Variants in AFF4 observed in about 807,000 individuals in gnomAD.
The protein encoded by AFF4 is ALF transcription elongation factor 4, also known as AF4/FMR2 family member 4.
In AFF4, 13 loss-of-function variants were observed where a neutral mutation model predicts 124.8. The ratio of observed to expected loss-of-function variants is 0.10; its 90% CI spans 0.07 to 0.17. The LOEUF is 0.17. Ranked by LOEUF, AFF4 falls within the 10% of genes least tolerant of loss-of-function variation. The probability of loss-of-function intolerance (pLI) is 1.00; values close to 1 mark genes in which losing one functional copy is unlikely to be tolerated. For missense variants in AFF4, 1,092 were observed against 1,403.8 expected (o/e 0.78, Z 3.55); for synonymous variants, 477 against 496.1 (o/e 0.96, Z 0.51).
At chr5:132,959,757 C>CTTTTTTT (rs1163731664) in intron 1 of AFF4, among the ~76,000 whole-genome samples, 1,361 of 71,430 alleles carry the variant, frequency 0.019, 22 homozygotes, top group Non-Finnish European at 0.021. Context: ...GAGTGCTTTT[C>CTTTTTTT]TTTTTTTTTT....
rs749188155 is a variant in AFF4, at chr5:132,896,625, G to A, written c.2005C>T (p.Pro669Ser). The A allele has an allele frequency of 2.2e-5, 36 of 1,613,860 alleles. No individual in the cohort carries two copies. The highest frequency in any genetic ancestry group is 6.7e-5 in the Admixed American group (4 of 59,974). ...LPPSSQTPKY[P>S]ESNRTPVKPS... ...TTAACAGGAGTCCTATTGCTCTCGG[G>A]GTACTTAGGAGTTTGTGAGGAAGGA... Residue 669 changes from proline (P) to serine (S), a missense_variant, in exon 11 of 21, where the codon CCC becomes TCC. Pro to Ser is a moderately conservative substitution (Grantham distance 74). Coordinates refer to ENST00000265343, the MANE Select transcript of AFF4 (RefSeq NM_014423.4).
In AFF4 at chr5:132,879,366, T is replaced by C. The variant is rs1759915407; in HGVS notation, c.*1693A>G. ...ATCATCTACAAATAGTAGGATAATC[T>C]TTTTTTCTGACTGAATGGATTCATT... On this transcript the variant is annotated 3_prime_UTR_variant, in exon 21 of 21. Transcript: ENST00000265343. The C allele has an allele frequency of 9.5e-6, 2 of 209,660 alleles. No individual in the cohort carries two copies. Among genetic ancestry groups the C allele is most frequent in the Non-Finnish European group, 1.9e-5 (2 of 102,998 alleles). The allele number at this position is 209,660 out of a possible 1,614,324, so 13.0% of individuals were successfully genotyped here.
intron 1 of AFF4, chr5:132,937,596 C>G (rs568053164): frequency 3.3e-5 from 5 of 153,452 alleles, no homozygotes; most frequent in African/African-American, 1.2e-4. Context: ...AACCCACTCC[C>G]AACTACCACC....
chr5:132,892,050 T>C (rs750842650), intron 13 of AFF4, 114 bp downstream of exon 13: 3 of 1,460,616 alleles, frequency 2.1e-6, no homozygotes, highest in South Asian at 2.3e-5. Context: ...GTAAAAGACA[T>C]AGGCCTATAT....
At chr5:132,928,365 A>G (rs1420342219) in intron 4 of AFF4, among the ~76,000 whole-genome samples, 1 of 152,200 alleles carries the variant, frequency 6.6e-6, no homozygotes, top group African/African-American at 2.4e-5. Context: ...AAAACCTTAA[A>G]CCAAAAAAAT....
chr5:132,937,945 A>T (rs1021846380), intron 1 of AFF4, among the ~76,000 whole-genome samples: 2 of 152,188 alleles, frequency 1.3e-5, no homozygotes, highest in Non-Finnish European at 2.9e-5. Context: ...TCTTATTTTC[A>T]CTAGAACAAA....
intron 4 of AFF4, among the ~76,000 whole-genome samples, chr5:132,931,485 G>C (rs752888386): frequency 4.6e-5 from 7 of 152,178 alleles, no homozygotes; most frequent in Non-Finnish European, 8.8e-5. Flanking sequence ...GATTTGACCA[G>C]TATGTACAAG....
chr5:132,916,871 T>A (rs529618537), intron 5 of AFF4, among the ~76,000 whole-genome samples: 2 of 152,262 alleles, frequency 1.3e-5, no homozygotes, highest in East Asian at 1.9e-4. Context: ...AGAGTTTACA[T>A]CAGGAATGTA....
intron 4 of AFF4, 106 bp from the exon 5 acceptor site, chr5:132,927,313 C>T (rs1761194869): frequency 1.3e-5 from 12 of 910,286 alleles, no homozygotes. Flanking sequence ...GACAGCTCCT[C>T]CAAAATTCTA....
intron 1 of AFF4, among the ~76,000 whole-genome samples, chr5:132,954,794 G>A (rs1035983305): frequency 6.6e-6 from 1 of 151,952 alleles, no homozygotes; most frequent in African/African-American, 2.4e-5. Context: ...TGATCCGCCC[G>A]CCTCGGCCTC....
intron 1 of AFF4, 91 bp from the exon 2 acceptor site, chr5:132,937,284 C>G: frequency 7.1e-7 from 1 of 1,407,348 alleles, no homozygotes; most frequent in South Asian, 1.6e-5. Flanking sequence ...ACTTCAATCA[C>G]AGATTCCCTT....
intron 7 of AFF4, chr5:132,900,939 T>G (rs1195943743): frequency 5.1e-6 from 5 of 984,904 alleles, no homozygotes; most frequent in South Asian, 4.7e-5. Context: ...TATTAACTAC[T>G]TGTACTTTTC....
At chr5:132,881,229 G>A in intron 20 of AFF4, 43 bp from the exon 21 acceptor site, 3 of 1,593,890 alleles carry the variant, frequency 1.9e-6, no homozygotes, top group Middle Eastern at 1.7e-4. Flanking sequence ...ATACTCTTTT[G>A]AATCACTGCT....
At position 132,963,438 on chromosome 5, in the gene AFF4, TCGGCGG is replaced by T; in HGVS notation, c.-190_-185del. ...GAGGCCTCGACAAACGAAGGCGGCG[TCGGCGG>T]CGGCGGCAGCGATGCGCCTCACACG... On this transcript the variant is annotated 5_prime_UTR_variant, in exon 1 of 21. Coordinates refer to ENST00000265343, the MANE Select transcript of AFF4 (RefSeq NM_014423.4). 1 of 397,884 alleles carries T rather than the reference TCGGCGG, an allele frequency of 2.5e-6. No individual in the cohort carries two copies. 24.6% of individuals were successfully genotyped at this position (397,884 alleles called of 1,614,324 possible).
chr5:132,952,968 T>C, intron 1 of AFF4, among the ~76,000 whole-genome samples: 1 of 152,054 alleles, frequency 6.6e-6, no homozygotes, highest in East Asian at 1.9e-4. Flanking sequence ...CCCATGACAC[T>C]TTCTCTTCTG....
chr5:132,933,346 G>A lies in AFF4; in HGVS notation c.918+801C>T, dbSNP rs150448170. 5.7e-4 allele frequency among the ~76,000 whole-genome samples: 86 copies of A among 150,376 alleles called. No individual in the cohort carries two copies. The East Asian group carries it at 0.012, about 22-fold the overall frequency. On this transcript the variant is annotated intron_variant, in intron 3 of 20. Transcript: ENST00000265343. ...TGGGAGGTAGAGGTTGCAGTGAGCCGAAATCGTGCCGTTGCACTCTAGCAT... is the reference window on the plus strand; with the variant it reads ...TGGGAGGTAGAGGTTGCAGTGAGCCAAAATCGTGCCGTTGCACTCTAGCAT...
Position 132,937,302 on chromosome 5 carries a change from C to T in AFF4, c.-4-109G>A, listed in dbSNP as rs1273144617. 9.8e-6 allele frequency: 13 copies of T among 1,328,276 alleles called. 1 individual carries two copies. In the South Asian group the frequency reaches 2.1e-4, roughly 22 times the overall value. 82.3% of individuals were successfully genotyped at this position (1,328,276 alleles called of 1,614,324 possible). A position where few individuals can be genotyped will look rare whatever the true frequency, so the allele number is the denominator to read the frequency against. On this transcript the variant is annotated intron_variant, in intron 1 of 20. Transcript: ENST00000265343. ...TCAATCACAGATTCCCTTTTGACCT[C>T]CAAGTAATAACAGGCATTAGTGCTG...
intron 1 of AFF4, among the ~76,000 whole-genome samples, chr5:132,954,738 G>A (rs1266411984): frequency 1.3e-5 from 2 of 151,674 alleles, no homozygotes; most frequent in South Asian, 2.1e-4. Flanking sequence ...TAGTAGAGAC[G>A]GGGTTTCACC....
Position 132,896,507 on chromosome 5 carries a change from G to C in AFF4, c.2123C>G (p.Pro708Arg). ...CACAATAAGTGGGTACCTGTCATCA[G>C]GCTCACTGAGGGGTGAAAGAAGTTC... ...EKELLSPLSE[P>R]DDRYPLIVKI... Residue 708 changes from proline (P) to arginine (R), a missense_variant, in exon 11 of 21, where the codon CCT (proline) becomes CGT (arginine). By Grantham distance (103) the Pro-to-Arg change is moderately radical. Transcript: ENST00000265343. 1 of 1,614,180 alleles carries C rather than the reference G, an allele frequency of 6.2e-7. No individual in the cohort carries two copies. Among genetic ancestry groups the C allele is most frequent in the Non-Finnish European group, 8.5e-7 (1 of 1,180,034 alleles).
Sources: gnomAD v4.1 joint callset for allele counts (sites outside exome capture counted in the v4.1 genomes callset) on GRCh38, gnomAD v4.1.1 for gene constraint, MANE v1.5 for transcripts, NCBI Gene and HGNC (gene_info 2026-07-23, HGNC 2026-07-21) for gene names.